HSD17B2: variants seen among roughly 807,000 people sequenced by gnomAD.
HSD17B2 encodes the protein hydroxysteroid 17-beta dehydrogenase 2.
Under a neutral mutation model 26.9 loss-of-function variants are expected in HSD17B2, and 32 were observed. That is an observed-to-expected ratio of 1.19 (90% confidence interval 0.90 to 1.60). The LOEUF (loss-of-function observed/expected upper bound fraction) is 1.60, where lower values mean the gene tolerates loss of function less well. Among genes scored for constraint, HSD17B2 ranks in the 40% most tolerant of loss-of-function variants. The pLI, the probability that HSD17B2 is intolerant of heterozygous loss-of-function variation, is 0.00. For synonymous variants in HSD17B2, 246 were observed against 186.7 expected, an observed-to-expected ratio of 1.32 and a Z score of -2.59; for missense variants, 613 against 468.6, an observed-to-expected ratio of 1.31 and a Z score of -2.85.
chr16:82,079,752 T>C (rs1011695502), intron 3 of HSD17B2, among the ~76,000 whole-genome samples: 2 of 152,160 alleles, frequency 1.3e-5, no homozygotes, highest in African/African-American at 4.8e-5. Context: ...AGCTAGAATG[T>C]AACACAAGGA....
At position 82,070,973 on chromosome 16, in the gene HSD17B2, G is replaced by T. The variant is rs1358761570; in HGVS notation, c.510G>T (p.Val170=). 1 of 1,614,186 alleles carries T rather than the reference G, an allele frequency of 6.2e-7. No homozygotes were observed. The highest frequency in any genetic ancestry group is 1.3e-5 in the African/African-American group (1 of 75,060). ...GLWAVINNAG[V]LGFPTDGELL... is the part of the protein sequence containing the mutation. Reference sequence around the variant, plus strand: ...GGGCTGTGATCAACAATGCTGGGGTGCTTGGCTTTCCAACTGATGGGGAGC... The same window carrying T: ...GGGCTGTGATCAACAATGCTGGGGTTCTTGGCTTTCCAACTGATGGGGAGC... The change falls in exon 3 of 5, where the codon GTG becomes GTT. Residue 170 remains valine, a synonymous_variant. Coordinates refer to ENST00000199936, the MANE Select transcript of HSD17B2 (RefSeq NM_002153.3).
At chr16:82,096,689 G>A (rs1041204013) in intron 4 of HSD17B2, 1 of 152,222 alleles carries the variant, frequency 6.6e-6, no homozygotes, top group Admixed American at 6.5e-5. Flanking sequence ...ATGAGTGTCT[G>A]TGGCAGCAGC....
At chr16:82,047,035 G>A (rs1361844427) in intron 1 of HSD17B2, among the ~76,000 whole-genome samples, 1 of 152,184 alleles carries the variant, frequency 6.6e-6, no homozygotes, top group Non-Finnish European at 1.5e-5. Flanking sequence ...TCCGCATTCA[G>A]ACACAGAATC....
intron 1 of HSD17B2, among the ~76,000 whole-genome samples, chr16:82,060,638 C>T (rs8191112): frequency 0.14 from 21,528 of 152,192 alleles, 4,713 homozygotes; most frequent in African/African-American, 0.47. Flanking sequence ...TGATAGATAG[C>T]AGATCTTCAA....
intron 1 of HSD17B2, among the ~76,000 whole-genome samples, chr16:82,049,991 C>A (rs1458758587): frequency 6.6e-6 from 1 of 152,224 alleles, no homozygotes; most frequent in Non-Finnish European, 1.5e-5. Flanking sequence ...CACCCACTCC[C>A]AGAGCTCAAG....
chr16:82,082,873 A>AAAACC (rs1167894583), intron 3 of HSD17B2, among the ~76,000 whole-genome samples: 2 of 152,198 alleles, frequency 1.3e-5, no homozygotes, highest in Admixed American at 1.3e-4. Context: ...TTCAGTTATA[A>AAAACC]AAACCAAGGT....
intron 3 of HSD17B2, among the ~76,000 whole-genome samples, chr16:82,076,111 C>G (rs1041315282): frequency 6.6e-6 from 1 of 151,998 alleles, no homozygotes; most frequent in Admixed American, 6.6e-5. Context: ...ATAATCTCAA[C>G]AGAATGAAGG....
chr16:82,070,118 T>C (rs1914663738), intron 2 of HSD17B2, among the ~76,000 whole-genome samples: 2 of 152,174 alleles, frequency 1.3e-5, no homozygotes, highest in Non-Finnish European at 2.9e-5. Flanking sequence ...GGCTTCAACT[T>C]CAACATGTCA....
At chr16:82,089,114 T>C (rs879440008) in intron 3 of HSD17B2, among the ~76,000 whole-genome samples, 1 of 152,086 alleles carries the variant, frequency 6.6e-6, no homozygotes, top group East Asian at 1.9e-4. Flanking sequence ...TTGATGGGGG[T>C]GGGCACAATG....
chr16:82,051,436 A>C (rs1914102909), intron 1 of HSD17B2, among the ~76,000 whole-genome samples: 1 of 152,238 alleles, frequency 6.6e-6, no homozygotes, highest in South Asian at 2.1e-4. Context: ...TGAAGCTGGA[A>C]GCCATCATCC....
At chr16:82,068,511 A>C in intron 2 of HSD17B2, 129 bp downstream of exon 2, 1 of 722,148 alleles carries the variant, frequency 1.4e-6, no homozygotes, top group South Asian at 1.8e-5. Flanking sequence ...CCTGTGCTGA[A>C]CCCCTACCAT....
intron 3 of HSD17B2, 128 bp downstream of exon 3, chr16:82,071,255 A>G (rs1246685583): frequency 2.4e-6 from 2 of 844,512 alleles, no homozygotes; most frequent in Non-Finnish European, 4.1e-6. Flanking sequence ...GTCAAATTGT[A>G]TATACCCTGT....
intron 1 of HSD17B2, among the ~76,000 whole-genome samples, chr16:82,038,633 A>G (rs1402510839): frequency 6.6e-6 from 1 of 152,252 alleles, no homozygotes; most frequent in Non-Finnish European, 1.5e-5. Flanking sequence ...ACATAGTGGG[A>G]AAAAACTTTG....
intron 1 of HSD17B2, among the ~76,000 whole-genome samples, chr16:82,061,134 A>T (rs1466815962): frequency 6.6e-6 from 1 of 151,850 alleles, no homozygotes; most frequent in Non-Finnish European, 1.5e-5. Context: ...TGGCAGGTGC[A>T]TGTAATCCCA....
At chr16:82,094,979 G>A (rs1904797843) in intron 4 of HSD17B2, 1 of 152,182 alleles carries the variant, frequency 6.6e-6, no homozygotes, top group Non-Finnish European at 1.5e-5. Flanking sequence ...TAACTTCATT[G>A]TGTGCAGCAC....
chr16:82,069,523 C>T (rs571931525), intron 2 of HSD17B2, among the ~76,000 whole-genome samples: 6 of 152,170 alleles, frequency 3.9e-5, no homozygotes, highest in South Asian at 4.1e-4. Flanking sequence ...GGGTCCCCAG[C>T]CCCCATTGCT....
At chr16:82,036,592 G>T (rs1007128689) in intron 1 of HSD17B2, among the ~76,000 whole-genome samples, 1 of 152,132 alleles carries the variant, frequency 6.6e-6, no homozygotes, top group African/African-American at 2.4e-5. Context: ...ATGGGGATGT[G>T]GTTGGGAGAA....
intron 1 of HSD17B2, among the ~76,000 whole-genome samples, chr16:82,039,863 T>C (rs1360758960): frequency 2.6e-5 from 4 of 152,104 alleles, no homozygotes; most frequent in Non-Finnish European, 5.9e-5. Context: ...TGTGGCTGTG[T>C]GATGGGGCAC....
chr16:82,084,114 C>T (rs1463221022), intron 3 of HSD17B2, among the ~76,000 whole-genome samples: 3 of 152,110 alleles, frequency 2.0e-5, no homozygotes, highest in South Asian at 2.1e-4. Flanking sequence ...TCTTGCTCTT[C>T]GGTTACTAGC....
Sources: gnomAD v4.1 joint callset for allele counts (sites outside exome capture counted in the v4.1 genomes callset) on GRCh38, gnomAD v4.1.1 for gene constraint, MANE v1.5 for transcripts, NCBI Gene and HGNC (gene_info 2026-07-23, HGNC 2026-07-21) for gene names.